ELAPOR2: variants seen among roughly 807,000 people sequenced by gnomAD.
The protein encoded by ELAPOR2 is endosome-lysosome associated apoptosis and autophagy regulator family member 2.
Under a neutral mutation model 120.7 loss-of-function variants are expected in ELAPOR2, and 89 were observed. The ratio of observed to expected loss-of-function variants is 0.74; its 90% confidence interval spans 0.62 to 0.88. The LOEUF is 0.88. ELAPOR2 is among the 40% of genes least tolerant of loss of function. The probability of loss-of-function intolerance (pLI) is 0.00; values close to 1 mark genes in which losing one functional copy is unlikely to be tolerated. For synonymous variants in ELAPOR2, 444 were observed against 444.9 expected, an observed-to-expected ratio of 1.00 and a Z score of 0.03; for missense variants, 1,134 against 1,251.6, an observed-to-expected ratio of 0.91 and a Z score of 1.42.
chr7:87,035,081 C>G (rs143986104), intron 1 of ELAPOR2, among the ~76,000 whole-genome samples: 2,381 of 149,616 alleles, frequency 0.016, 74 homozygotes, highest in African/African-American at 0.056. Context: ...GAGTGAAACT[C>G]CGTCTCAAAA....
chr7:87,023,472 C>G (rs143007170), intron 1 of ELAPOR2, among the ~76,000 whole-genome samples: 55,943 of 151,572 alleles, frequency 0.37, 10,971 homozygotes, highest in African/African-American at 0.5. Flanking sequence ...CTGTAGCCTT[C>G]TAGTATAGCT....
intron 6 of ELAPOR2, among the ~76,000 whole-genome samples, chr7:86,939,311 T>A (rs1311510349): frequency 6.6e-6 from 1 of 152,092 alleles, no homozygotes; most frequent in Non-Finnish European, 1.5e-5. Flanking sequence ...GTTCCCTTTT[T>A]TTTCCACTGC....
At chr7:87,039,310 T>G (rs1434625977) in intron 1 of ELAPOR2, among the ~76,000 whole-genome samples, 1 of 152,130 alleles carries the variant, frequency 6.6e-6, no homozygotes, top group African/African-American at 2.4e-5. Flanking sequence ...ATGGCTTCAC[T>G]GCTGAATCCT....
intron 1 of ELAPOR2, among the ~76,000 whole-genome samples, chr7:87,032,570 C>T (rs1489285928): frequency 1.3e-5 from 2 of 152,150 alleles, no homozygotes; most frequent in East Asian, 3.9e-4. Flanking sequence ...TAACAAATCT[C>T]ACTCTCACCT....
intron 21 of ELAPOR2, among the ~76,000 whole-genome samples, chr7:86,887,972 C>A (rs1238790641): frequency 1.3e-5 from 2 of 152,090 alleles, no homozygotes; most frequent in Non-Finnish European, 2.9e-5. Context: ...CAATCTAGGG[C>A]ATGATGTGTT....
chr7:87,002,796 C>T (rs990190199), intron 1 of ELAPOR2, among the ~76,000 whole-genome samples: 2 of 152,098 alleles, frequency 1.3e-5, no homozygotes, highest in African/African-American at 2.4e-5. Flanking sequence ...ACATGTTGGG[C>T]TAGATACCCC....
chr7:86,983,182 C>G (rs1256680920), intron 1 of ELAPOR2, among the ~76,000 whole-genome samples: 1 of 152,154 alleles, frequency 6.6e-6, no homozygotes, highest in Non-Finnish European at 1.5e-5. Context: ...AAATATGGGA[C>G]TATGTGAAAA....
intron 1 of ELAPOR2, among the ~76,000 whole-genome samples, chr7:87,022,738 C>T (rs1794098415): frequency 6.6e-6 from 1 of 150,634 alleles, no homozygotes; most frequent in South Asian, 2.1e-4. Flanking sequence ...TCTCCAGCAC[C>T]TGTTGTTTCC....
chr7:87,049,995 C>T (rs1445837549), intron 1 of ELAPOR2, among the ~76,000 whole-genome samples: 4 of 152,182 alleles, frequency 2.6e-5, no homozygotes, highest in Non-Finnish European at 4.4e-5. Context: ...CTCTTTCTCT[C>T]TCTTTCTTTC....
chr7:87,035,035 A>G (rs149512451), intron 1 of ELAPOR2, among the ~76,000 whole-genome samples: 3,643 of 151,722 alleles, frequency 0.024, 169 homozygotes, highest in African/African-American at 0.084. Flanking sequence ...CCAGTGAGCC[A>G]AGATAGCACC....
chr7:86,932,559 A>C (rs995755834), intron 8 of ELAPOR2, among the ~76,000 whole-genome samples: 21 of 151,942 alleles, frequency 1.4e-4, no homozygotes, highest in Non-Finnish European at 2.9e-5. Context: ...TAAAATCTTA[A>C]GTCTTTTCTG....
At chr7:87,028,295 T>C (rs999122327) in intron 1 of ELAPOR2, among the ~76,000 whole-genome samples, 8 of 152,126 alleles carry the variant, frequency 5.3e-5, no homozygotes, top group African/African-American at 1.9e-4. Context: ...CCTTGCTAAA[T>C]AAAAACACCT....
intron 1 of ELAPOR2, among the ~76,000 whole-genome samples, chr7:87,039,882 CCAGA>C (rs1794710051): frequency 1.3e-5 from 2 of 152,076 alleles, no homozygotes; most frequent in Non-Finnish European, 2.9e-5. Flanking sequence ...CTAGGGAGTG[CCAGA>C]CAGAGGGCGC....
rs1046929704 is a variant in ELAPOR2 at position 87,055,541 on chromosome 7, A to G, written c.189+3784T>C. 8.6e-5 allele frequency among the ~76,000 whole-genome samples: 13 copies of G among 151,876 alleles called. No individual in the cohort carries two copies. In the South Asian group the frequency reaches 1.2e-3, roughly 15 times the overall value. On this transcript the variant is annotated intron_variant, in intron 1 of 21. Transcript: ENST00000450689. Reference sequence around the variant, plus strand: ...TGTTTCATGTTTCTGCCCTTTTTCAATCTGTGCTCTTCACCTGAAATGTCT... The same window carrying G: ...TGTTTCATGTTTCTGCCCTTTTTCAGTCTGTGCTCTTCACCTGAAATGTCT...
intron 1 of ELAPOR2, among the ~76,000 whole-genome samples, chr7:87,017,681 G>A (rs1793914472): frequency 6.6e-6 from 1 of 152,148 alleles, no homozygotes; most frequent in African/African-American, 2.4e-5. Context: ...AACACTTTGG[G>A]AGGCTTAGGT....
chr7:86,945,215 T>C (rs2116370140), intron 3 of ELAPOR2, among the ~76,000 whole-genome samples, 169 bp from the exon 4 acceptor site: 1 of 152,332 alleles, frequency 6.6e-6, no homozygotes, highest in Middle Eastern at 3.4e-3. Flanking sequence ...AAGAGGTCCA[T>C]TTCTTATGGC....
At chr7:86,948,298 T>C (rs758673931) in intron 2 of ELAPOR2, among the ~76,000 whole-genome samples, 13 of 152,190 alleles carry the variant, frequency 8.5e-5, no homozygotes, top group Non-Finnish European at 1.6e-4. Flanking sequence ...CCTGGCCCAA[T>C]GGGCAGTCAG....
At chr7:86,995,282 G>T (rs1174198816) in intron 1 of ELAPOR2, among the ~76,000 whole-genome samples, 1 of 152,168 alleles carries the variant, frequency 6.6e-6, no homozygotes, top group East Asian at 1.9e-4. Flanking sequence ...CCAGCTGTCA[G>T]CGAACTATTA....
chr7:87,025,973 A>C (rs545127618), intron 1 of ELAPOR2, among the ~76,000 whole-genome samples: 1 of 152,166 alleles, frequency 6.6e-6, no homozygotes, highest in South Asian at 2.1e-4. Flanking sequence ...GCAAACCTTA[A>C]ACAAACATAT....
Sources: gnomAD v4.1 joint callset for allele counts (sites outside exome capture counted in the v4.1 genomes callset) on GRCh38, gnomAD v4.1.1 for gene constraint, MANE v1.5 for transcripts, NCBI Gene and HGNC (gene_info 2026-07-23, HGNC 2026-07-21) for gene names.